Variants in INO80D observed in about 807,000 individuals in gnomAD.
The protein encoded by INO80D is INO80 complex subunit D.
A neutral mutation model predicts 87.6 loss-of-function variants in INO80D; 21 were observed. That is an observed-to-expected ratio of 0.24 (90% CI 0.17 to 0.35). INO80D has a LOEUF of 0.35. Ranked by LOEUF, INO80D falls within the 10% of genes least tolerant of loss-of-function variation. INO80D has a pLI of 1.00. For synonymous variants in INO80D, 440 were observed against 491.0 expected, an observed-to-expected ratio of 0.90 and a Z score of 1.37; for missense variants, 982 against 1,280.7, an observed-to-expected ratio of 0.77 and a Z score of 3.56.
intron 4 of INO80D, among the ~76,000 whole-genome samples, chr2:206,051,123 TAAGC>T (rs1192059907): frequency 6.6e-6 from 1 of 152,082 alleles, no homozygotes; most frequent in African/African-American, 2.4e-5. Context: ...AGAATCCAAA[TAAGC>T]AAGCAAACCA....
rs1687921584 is a variant in INO80D at position 206,002,417 on chromosome 2, T to C, written c.*1951A>G. On this transcript the variant is annotated 3_prime_UTR_variant, in exon 11 of 11. Coordinates refer to ENST00000403263, the MANE Select transcript of INO80D (RefSeq NM_017759.5). ...GTTATAATTTAGAAATTTTGCACTC[T>C]GCAAAAAAGGCAAAGCTATTAAAAA... is the stretch of plus-strand genomic sequence containing the variant. 1 of 152,166 alleles carries C rather than the reference T, an allele frequency of 6.6e-6. No homozygotes were observed. Among genetic ancestry groups the C allele is most frequent in the Non-Finnish European group, 1.5e-5 (1 of 68,034 alleles). The allele number at this position is 152,166 out of a possible 1,614,324, so 9.4% of individuals were successfully genotyped here. A position where few individuals can be genotyped will look rare whatever the true frequency, so the allele number is the denominator to read the frequency against.
intron 5 of INO80D, among the ~76,000 whole-genome samples, chr2:206,044,852 G>C (rs554462765): frequency 1.3e-5 from 2 of 152,282 alleles, no homozygotes; most frequent in East Asian, 3.9e-4. Context: ...GTCAAATTAA[G>C]CTGATACGAA....
At chr2:206,008,177 T>A (rs1688077548) in intron 9 of INO80D, among the ~76,000 whole-genome samples, 1 of 151,924 alleles carries the variant, frequency 6.6e-6, no homozygotes, top group Non-Finnish European at 1.5e-5. Context: ...AGAGACGGGG[T>A]TTACCCATGC....
Position 206,004,189 on chromosome 2 carries a change from G to A in INO80D, c.*179C>T, listed in dbSNP as rs1003600535. On this transcript the variant is annotated 3_prime_UTR_variant, in exon 11 of 11. Coordinates refer to ENST00000403263, the MANE Select transcript of INO80D (RefSeq NM_017759.5). The surrounding 1 kb of genome is among the most constrained non-coding windows in gnomAD (Gnocchi z 4.9). ...AGGGAATGAGCACCAGTGCTAAGGA[G>A]CACATGTGAACACTGTAGCGAGGTC... 2 of 629,232 alleles carry A rather than the reference G, an allele frequency of 3.2e-6. No individual in the cohort carries two copies. The highest frequency in any genetic ancestry group is 2.8e-6 in the Non-Finnish European group (1 of 363,332). The allele number at this position is 629,232 out of a possible 1,614,324, so 39.0% of individuals were successfully genotyped here. A position where few individuals can be genotyped will look rare whatever the true frequency, so the allele number is the denominator to read the frequency against.
rs781504728 is a variant in INO80D at position 206,016,627 on chromosome 2, G to A, written c.1542+1053C>T. On this transcript the variant is annotated intron_variant, in intron 8 of 10. Coordinates refer to ENST00000403263, the MANE Select transcript of INO80D (RefSeq NM_017759.5). Reference sequence around the variant, plus strand: ...GGGATGTGCCAGGGCAGAATGATACGGTTTGACTCTGTGTCCCCACCCAAA... The same window carrying A: ...GGGATGTGCCAGGGCAGAATGATACAGTTTGACTCTGTGTCCCCACCCAAA... Among the ~76,000 whole-genome samples, 9 of 152,172 alleles carry A rather than the reference G, an allele frequency of 5.9e-5. No individual in the cohort carries two copies. In the South Asian group the frequency reaches 6.2e-4, roughly 11 times the overall value.
At chr2:206,060,521 C>T (rs1575866748) in intron 3 of INO80D, among the ~76,000 whole-genome samples, 1 of 139,168 alleles carries the variant, frequency 7.2e-6, no homozygotes. Flanking sequence ...AACAGTTGAG[C>T]GAGACTCCGT....
intron 9 of INO80D, among the ~76,000 whole-genome samples, chr2:206,009,257 G>A (rs1040536675): frequency 2.6e-5 from 4 of 152,150 alleles, no homozygotes; most frequent in Non-Finnish European, 4.4e-5. Context: ...GCAGGGAGCC[G>A]AGATTGCGCC....
chr2:206,063,223 G>T lies in INO80D; in HGVS notation c.-102C>A. ...GGATACCACAGTTTGGAATGCCGCA[G>T]AATCAGGATGAAGCAGATTGTCTAT... On this transcript the variant is annotated 5_prime_UTR_variant, in exon 2 of 11. The change creates a new upstream start codon in the 5' untranslated region. Coordinates refer to ENST00000403263, the MANE Select transcript of INO80D (RefSeq NM_017759.5). 1.8e-6 allele frequency: 1 copy of T among 570,178 alleles called. No homozygotes were observed. The highest frequency in any genetic ancestry group is 3.0e-6 in the Non-Finnish European group (1 of 329,782). 35.3% of individuals were successfully genotyped at this position (570,178 alleles called of 1,614,324 possible).
intron 1 of INO80D, among the ~76,000 whole-genome samples, chr2:206,078,061 C>CAAAA (rs71410859): frequency 0.079 from 4,971 of 62,904 alleles, 778 homozygotes; most frequent in Non-Finnish European, 0.12. Context: ...GCAATGTTTA[C>CAAAA]AAAAAAAAAA....
In INO80D at chr2:206,063,059, AC is replaced by A. The variant is rs759045674; in HGVS notation, c.-29-15del. 1.5e-5 allele frequency: 21 copies of A among 1,362,270 alleles called. No homozygotes were observed. The Middle Eastern group carries it at 1.1e-3, about 70-fold the overall frequency. The allele number at this position is 1,362,270 out of a possible 1,614,324, so 84.4% of individuals were successfully genotyped here. A position where few individuals can be genotyped will look rare whatever the true frequency, so the allele number is the denominator to read the frequency against. ...TGTGAACATCAGCTAAAAGGCCACCACAAAAAAAGAAACCCAAATGATAAAT... is the reference window on the plus strand; with the variant it reads ...TGTGAACATCAGCTAAAAGGCCACCAAAAAAAAGAAACCCAAATGATAAAT... On this transcript the variant is annotated splice_polypyrimidine_tract_variant and intron_variant, in intron 2 of 10. Transcript: ENST00000403263.
intron 5 of INO80D, among the ~76,000 whole-genome samples, chr2:206,033,965 C>T (rs1205371848): frequency 6.6e-6 from 1 of 152,040 alleles, no homozygotes; most frequent in Admixed American, 6.6e-5. Context: ...CTATGAACAC[C>T]TTTATGTACA....
chr2:206,042,932 A>G (rs939416291), intron 5 of INO80D, among the ~76,000 whole-genome samples: 2 of 152,200 alleles, frequency 1.3e-5, no homozygotes, highest in Non-Finnish European at 2.9e-5. Context: ...TGATCTCACC[A>G]CTGCACTCCC....
chr2:206,059,518 A>G (rs934694527), intron 3 of INO80D, among the ~76,000 whole-genome samples: 2 of 152,240 alleles, frequency 1.3e-5, no homozygotes, highest in African/African-American at 4.8e-5. Flanking sequence ...GCTTCATCAT[A>G]TAAGTGTTTT....
rs574708343 is a variant in INO80D at position 206,063,174 on chromosome 2, T to C, written c.-53A>G. On this transcript the variant is annotated 5_prime_UTR_variant, in exon 2 of 11. An upstream start codon of the reference 5' UTR is lost. Coordinates refer to ENST00000403263, the MANE Select transcript of INO80D (RefSeq NM_017759.5). Reference sequence around the variant, plus strand: ...ACCTGATTTTAAATCTTCTGCACCATAGCAATGTTAAGAGAACCCCCAAGG... The same window carrying C: ...ACCTGATTTTAAATCTTCTGCACCACAGCAATGTTAAGAGAACCCCCAAGG... The C allele has an allele frequency of 2.5e-5, 16 of 634,644 alleles. No individual in the cohort carries two copies. Among genetic ancestry groups the C allele is most frequent in the East Asian group, 1.4e-4 (5 of 34,838 alleles). The allele number at this position is 634,644 out of a possible 1,614,324, so 39.3% of individuals were successfully genotyped here.
At position 206,085,248 on chromosome 2, in the gene INO80D, G is replaced by GCCCGCCCCGC. The variant is rs915494544; in HGVS notation, c.-124+643_-124+652dup. Among the ~76,000 whole-genome samples the GCCCGCCCCGC allele has an allele frequency of 1.3e-5, 2 of 151,808 alleles. No homozygotes were observed. The highest frequency in any genetic ancestry group is 2.9e-5 in the Non-Finnish European group (2 of 67,824). ...CACCCGACCCCACGCCCGCCAGGCC[G>GCCCGCCCCGC]CCCGCCCCGCCCCGCCCCGGCCTGG... On this transcript the variant is annotated intron_variant, in intron 1 of 10. Coordinates refer to ENST00000403263, the MANE Select transcript of INO80D (RefSeq NM_017759.5). The surrounding 1 kb of genome is among the most constrained non-coding windows in gnomAD (Gnocchi z 4.5).
intron 8 of INO80D, among the ~76,000 whole-genome samples, chr2:206,012,732 G>A (rs1008743337): frequency 2.6e-5 from 4 of 151,974 alleles, no homozygotes; most frequent in South Asian, 2.1e-4. Flanking sequence ...AACTGGGCAC[G>A]GTGGCACACG....
At chr2:206,082,744 T>C (rs1443595619) in intron 1 of INO80D, among the ~76,000 whole-genome samples, 2 of 152,244 alleles carry the variant, frequency 1.3e-5, no homozygotes, top group Non-Finnish European at 2.9e-5. Flanking sequence ...ATAACCATTG[T>C]ACCAAACCTG....
rs570246676 is a variant in INO80D at position 206,040,021 on chromosome 2, G to A, written c.1073+6483C>T. 1.5e-4 allele frequency among the ~76,000 whole-genome samples: 23 copies of A among 151,636 alleles called. 1 individual carries two copies. Among genetic ancestry groups the A allele is most frequent in the Non-Finnish European group, 2.4e-4 (16 of 67,864 alleles). ...CAAAAAAAAGCCCAGGCCCAGGCGC[G>A]GTGACTCACACCTGTAATCCCAGCA... On this transcript the variant is annotated intron_variant, in intron 5 of 10. Coordinates refer to ENST00000403263, the MANE Select transcript of INO80D (RefSeq NM_017759.5).
chr2:206,065,342 T>C (rs987961000), intron 1 of INO80D, among the ~76,000 whole-genome samples: 4 of 152,068 alleles, frequency 2.6e-5, no homozygotes, highest in Non-Finnish European at 5.9e-5. Context: ...TGGTCATGCA[T>C]GCCTGTAATC....
Sources: gnomAD v4.1 joint callset for allele counts (sites outside exome capture counted in the v4.1 genomes callset) on GRCh38, gnomAD v4.1.1 for gene constraint, Gnocchi (gnomAD v3.1) non-coding constraint, MANE v1.5 for transcripts, NCBI Gene and HGNC (gene_info 2026-07-23, HGNC 2026-07-21) for gene names.